The following TENM3 variants were observed in gnomAD, a reference collection of about 807,000 sequenced individuals.
TENM3 encodes teneurin transmembrane protein 3.
TENM3 carries 63 observed loss-of-function variants against 255.1 expected under a neutral mutation model. The ratio of observed to expected loss-of-function variants is 0.25; its 90% CI spans 0.20 to 0.30. TENM3 has a LOEUF of 0.30. TENM3 is among the 10% of genes least tolerant of loss of function. TENM3 has a pLI of 1.00. For synonymous variants in TENM3, 1,306 were observed against 1,322.3 expected (o/e 0.99, Z 0.27); for missense variants, 2,929 against 3,461.1 (o/e 0.85, Z 3.86).
At chr4:182,076,220 T>C in the TENM3 span, among the ~76,000 whole-genome samples, 10 of 149,480 alleles carry the variant, frequency 6.7e-5, no homozygotes, top group African/African-American at 1.7e-4. Context: ...CTTCTTTTTT[T>C]TTTTTTTTTT....
chr4:181,563,678 T>C, the TENM3 span, among the ~76,000 whole-genome samples: 1 of 152,208 alleles, frequency 6.6e-6, no homozygotes, highest in African/African-American at 2.4e-5. Context: ...ACATTCATTT[T>C]TATTCAACTT....
chr4:181,824,242 C>A, the TENM3 span, among the ~76,000 whole-genome samples: 2 of 151,124 alleles, frequency 1.3e-5, no homozygotes, highest in African/African-American at 2.4e-5. Context: ...GCTGAAACTA[C>A]AGGTGTGCAC....
At chr4:181,766,123 A>G in the TENM3 span, among the ~76,000 whole-genome samples, 1 of 152,202 alleles carries the variant, frequency 6.6e-6, no homozygotes, top group Non-Finnish European at 1.5e-5. Flanking sequence ...TTGGACTCCC[A>G]GATGCGCCTC....
intron 3 of TENM3, among the ~76,000 whole-genome samples, chr4:182,497,634 G>T (rs1735902267): frequency 6.6e-6 from 1 of 151,944 alleles, no homozygotes; most frequent in Non-Finnish European, 1.5e-5. Flanking sequence ...TAATATTAGA[G>T]GACTAATCAT....
At chr4:182,313,169 T>A (rs923581587) in intron 1 of TENM3, among the ~76,000 whole-genome samples, 5 of 152,110 alleles carry the variant, frequency 3.3e-5, no homozygotes, top group African/African-American at 7.2e-5. Context: ...TTTGAAAAAA[T>A]TTTTAATGCA....
At chr4:182,048,393 A>G in the TENM3 span, among the ~76,000 whole-genome samples, 1 of 152,194 alleles carries the variant, frequency 6.6e-6, no homozygotes, top group East Asian at 1.9e-4. Flanking sequence ...TCCTTAGTTC[A>G]CCGATTTTAT....
intron 3 of TENM3, among the ~76,000 whole-genome samples, chr4:182,600,584 A>C (rs1191481308): frequency 6.6e-6 from 1 of 152,172 alleles, no homozygotes; most frequent in East Asian, 1.9e-4. Context: ...AAAAGCTGAA[A>C]TCTGAAGGCA....
chr4:181,817,114 C>T, the TENM3 span, among the ~76,000 whole-genome samples: 1 of 152,188 alleles, frequency 6.6e-6, no homozygotes, highest in Non-Finnish European at 1.5e-5. Flanking sequence ...GTACACAGGG[C>T]TGTGGCTGCT....
chr4:181,562,830 A>G, the TENM3 span, among the ~76,000 whole-genome samples: 2 of 152,026 alleles, frequency 1.3e-5, no homozygotes, highest in Non-Finnish European at 2.9e-5. Flanking sequence ...GCCCATCACC[A>G]TGCCTGGCTA....
intron 1 of TENM3, among the ~76,000 whole-genome samples, chr4:182,302,998 G>A (rs1291203881): frequency 2.0e-5 from 3 of 151,914 alleles, no homozygotes; most frequent in Non-Finnish European, 2.9e-5. Context: ...CATCGAAGTG[G>A]AAATTTCATC....
At chr4:181,599,830 A>T in the TENM3 span, among the ~76,000 whole-genome samples, 11 of 152,202 alleles carry the variant, frequency 7.2e-5, no homozygotes, top group African/African-American at 2.4e-4. Flanking sequence ...TTCTTTTATT[A>T]TTTATTCCTT....
At chr4:182,252,158 C>T (rs904272230) in intron 1 of TENM3, among the ~76,000 whole-genome samples, 2 of 150,924 alleles carry the variant, frequency 1.3e-5, no homozygotes, top group African/African-American at 2.4e-5. Context: ...ACTCCAGCCT[C>T]GGCAACAGAG....
At chr4:181,758,498 T>A in the TENM3 span, among the ~76,000 whole-genome samples, 4 of 152,194 alleles carry the variant, frequency 2.6e-5, no homozygotes, top group South Asian at 8.3e-4. Flanking sequence ...CAGAGCAGCA[T>A]TTGCATAGAA....
At chr4:182,147,878 AAC>A (rs544002616) in intron 1 of TENM3, among the ~76,000 whole-genome samples, 3 of 152,286 alleles carry the variant, frequency 2.0e-5, no homozygotes, top group Admixed American at 2.0e-4. Context: ...TTGAAAAGAT[AAC>A]ACAATATTAC....
chr4:181,651,714 G>T, the TENM3 span, among the ~76,000 whole-genome samples: 1 of 152,112 alleles, frequency 6.6e-6, no homozygotes, highest in Non-Finnish European at 1.5e-5. Flanking sequence ...ACCAAGGAAC[G>T]CTGAACTTCT....
At chr4:181,961,925 A>C in the TENM3 span, among the ~76,000 whole-genome samples, 4 of 151,944 alleles carry the variant, frequency 2.6e-5, no homozygotes, top group Non-Finnish European at 5.9e-5. Context: ...ATAAAATTTA[A>C]ATTTTAAGCC....
chr4:182,140,182 T>G (rs766330425), upstream of TENM3, among the ~76,000 whole-genome samples: 11 of 152,244 alleles, frequency 7.2e-5, 1 homozygote, highest in South Asian at 4.1e-4. Context: ...TGTTCACTGT[T>G]GCAGATTAAT....
At chr4:181,648,074 G>A in the TENM3 span, among the ~76,000 whole-genome samples, 1 of 152,128 alleles carries the variant, frequency 6.6e-6, no homozygotes, top group Non-Finnish European at 1.5e-5. Context: ...GTAGTCCCGT[G>A]TTGCACATTT....
chr4:181,764,711 T>C, the TENM3 span, among the ~76,000 whole-genome samples: 1 of 152,192 alleles, frequency 6.6e-6, no homozygotes, highest in East Asian at 1.9e-4. Context: ...TTTTTGTTTG[T>C]GATGGGGTCT....
Sources: allele counts gnomAD v4.1 joint callset (sites outside exome capture counted in the v4.1 genomes callset), GRCh38; gene constraint gnomAD v4.1.1; transcripts MANE v1.5; gene names NCBI Gene and HGNC (gene_info 2026-07-23, HGNC 2026-07-21).